Variants in SESTD1 observed in about 807,000 individuals in gnomAD.
SESTD1 encodes the protein SEC14 and spectrin domain containing 1.
Under a neutral mutation model 101.7 loss-of-function variants are expected in SESTD1, and 43 were observed. The observed-to-expected ratio is 0.42, with a 90% confidence interval of 0.33 to 0.55. The LOEUF (loss-of-function observed/expected upper bound fraction) is 0.55, where lower values mean the gene tolerates loss of function less well. Among genes scored for constraint, SESTD1 ranks in the 20% least tolerant of loss-of-function variants. The probability of loss-of-function intolerance (pLI) is 0.07; values close to 1 mark genes in which losing one functional copy is unlikely to be tolerated. For synonymous variants in SESTD1, 283 were observed against 286.8 expected (o/e 0.99, Z 0.13); for missense variants, 647 against 815.1 (o/e 0.79, Z 2.51).
intron 1 of SESTD1, among the ~76,000 whole-genome samples, chr2:179,197,154 T>C (rs2046412407): frequency 6.6e-6 from 1 of 151,588 alleles, no homozygotes; most frequent in African/African-American, 2.4e-5. Flanking sequence ...GAGAACTACG[T>C]GAAGAAAGAA....
intron 5 of SESTD1, among the ~76,000 whole-genome samples, chr2:179,170,994 G>C (rs2045921067): frequency 6.6e-6 from 1 of 152,138 alleles, no homozygotes; most frequent in South Asian, 2.1e-4. Flanking sequence ...TGAATTCTAT[G>C]AATCAATATA....
At chr2:179,164,342 A>T (rs1297291147) in intron 5 of SESTD1, among the ~76,000 whole-genome samples, 1 of 152,220 alleles carries the variant, frequency 6.6e-6, no homozygotes, top group Non-Finnish European at 1.5e-5. Flanking sequence ...GTAAGAGAAT[A>T]AAGCAATTTA....
At chr2:179,231,625 A>G (rs890577975) in intron 1 of SESTD1, among the ~76,000 whole-genome samples, 1 of 151,822 alleles carries the variant, frequency 6.6e-6, no homozygotes, top group African/African-American at 2.4e-5. Context: ...GAAATCAAAC[A>G]TAAGTCATTA....
chr2:179,170,537 T>C (rs565671078), intron 5 of SESTD1, among the ~76,000 whole-genome samples: 2 of 152,290 alleles, frequency 1.3e-5, no homozygotes, highest in East Asian at 3.9e-4. Flanking sequence ...AGGAGCATCC[T>C]TTATTACAGT....
At chr2:179,161,748 C>CT (rs2045740942) in intron 5 of SESTD1, among the ~76,000 whole-genome samples, 2 of 151,520 alleles carry the variant, frequency 1.3e-5, no homozygotes, top group South Asian at 4.2e-4. Context: ...AACTTTTATA[C>CT]TTTTAAAAAA....
At chr2:179,117,246 T>C (rs2044653998) in intron 14 of SESTD1, among the ~76,000 whole-genome samples, 1 of 152,168 alleles carries the variant, frequency 6.6e-6, no homozygotes, top group Non-Finnish European at 1.5e-5. Context: ...CCAGATTTTA[T>C]CCTGGATGTA....
chr2:179,156,485 C>G (rs1054164581), intron 5 of SESTD1, among the ~76,000 whole-genome samples: 3 of 152,088 alleles, frequency 2.0e-5, no homozygotes, highest in Non-Finnish European at 4.4e-5. Flanking sequence ...ACGGCATTCA[C>G]GCCAACATCT....
At chr2:179,234,734 A>T (rs2047041489) in intron 1 of SESTD1, among the ~76,000 whole-genome samples, 1 of 152,190 alleles carries the variant, frequency 6.6e-6, no homozygotes, top group Non-Finnish European at 1.5e-5. Context: ...GCATAACCTG[A>T]ATCTAATCAT....
At chr2:179,262,899 T>C (rs13387502) in intron 1 of SESTD1, among the ~76,000 whole-genome samples, 8,210 of 152,276 alleles carry the variant, frequency 0.054, 289 homozygotes, top group African/African-American at 0.097. Context: ...ACTTTCTACA[T>C]TCTGCATTCT....
Position 179,211,077 on chromosome 2 carries a change from CA to C in SESTD1, c.-25-19212del, listed in dbSNP as rs772747731. Among the ~76,000 whole-genome samples, 221 of 109,516 alleles carry C rather than the reference CA, an allele frequency of 2.0e-3. 4 individuals are homozygous for C. The highest frequency in any genetic ancestry group is 1.9e-3 in the Admixed American group (21 of 11,200). 71.8% of individuals were successfully genotyped at this position (109,516 alleles called of 152,430 possible). A position where few individuals can be genotyped will look rare whatever the true frequency, so the allele number is the denominator to read the frequency against. ...ACTCAGACCCTTTTAACAACAGCTG[CA>C]AAAAAAAAAAAGGAATATACCTAAC... On this transcript the variant is annotated intron_variant, in intron 1 of 17. Coordinates refer to ENST00000428443, the MANE Select transcript of SESTD1 (RefSeq NM_178123.5).
chr2:179,222,276 G>C (rs570069055), intron 1 of SESTD1, among the ~76,000 whole-genome samples: 15 of 152,104 alleles, frequency 9.9e-5, no homozygotes, highest in African/African-American at 3.6e-4. Flanking sequence ...TGTGACTCCC[G>C]GCCAGCCACT....
At chr2:179,141,836 T>C (rs1440127473) in intron 9 of SESTD1, among the ~76,000 whole-genome samples, 1 of 152,162 alleles carries the variant, frequency 6.6e-6, no homozygotes, top group East Asian at 1.9e-4. Flanking sequence ...GGGCTAAAAC[T>C]TACCTGAATT....
intron 9 of SESTD1, among the ~76,000 whole-genome samples, chr2:179,133,311 TATATTA>T (rs1241325948): frequency 6.6e-6 from 1 of 152,186 alleles, no homozygotes; most frequent in Non-Finnish European, 1.5e-5. Context: ...CCTTCCATCA[TATATTA>T]ATAATTCTCC....
At position 179,104,990 on chromosome 2, in the gene SESTD1, A is replaced by G. The variant is rs2044348240; in HGVS notation, c.*4909T>C. On this transcript the variant is annotated 3_prime_UTR_variant, in exon 18 of 18. Coordinates refer to ENST00000428443, the MANE Select transcript of SESTD1 (RefSeq NM_178123.5). ...TTGAGTCATATTAAGTGTCATACCC[A>G]TGAACTTTTTTCAGTCTTAAAGACT... 1 of 152,060 alleles carries G rather than the reference A, an allele frequency of 6.6e-6. No individual in the cohort carries two copies. The highest frequency in any genetic ancestry group is 6.6e-5 in the Admixed American group (1 of 15,240). The allele number at this position is 152,060 out of a possible 1,614,324, so 9.4% of individuals were successfully genotyped here. A position where few individuals can be genotyped will look rare whatever the true frequency, so the allele number is the denominator to read the frequency against.
At chr2:179,138,870 CAAAAAAAAAAAA>C (rs61703699) in intron 9 of SESTD1, among the ~76,000 whole-genome samples, 143 of 65,554 alleles carry the variant, frequency 2.2e-3, no homozygotes, top group African/African-American at 5.7e-3. Context: ...AACCCTGTCT[CAAAAAAAAAAAA>C]AAAAAAAAAA....
chr2:179,189,404 T>G (rs147553221), intron 2 of SESTD1, among the ~76,000 whole-genome samples: 1 of 152,148 alleles, frequency 6.6e-6, no homozygotes, highest in Non-Finnish European at 1.5e-5. Context: ...AAACTATGCA[T>G]TGAAGAAATA....
intron 14 of SESTD1, among the ~76,000 whole-genome samples, chr2:179,117,110 C>A (rs1489909480): frequency 1.3e-5 from 2 of 152,110 alleles, no homozygotes; most frequent in Non-Finnish European, 2.9e-5. Flanking sequence ...TACATAAAAT[C>A]AAAAATTTTA....
chr2:179,133,971 A>G (rs1301208520), intron 9 of SESTD1, among the ~76,000 whole-genome samples: 2 of 152,248 alleles, frequency 1.3e-5, no homozygotes, highest in Non-Finnish European at 2.9e-5. Context: ...CCAGTACACT[A>G]TAACAGCTAT....
At chr2:179,138,962 GT>G (rs1434795943) in intron 9 of SESTD1, among the ~76,000 whole-genome samples, 1 of 146,760 alleles carries the variant, frequency 6.8e-6, no homozygotes, top group African/African-American at 2.5e-5. Context: ...CATCGCCCTT[GT>G]TATTGATCTT....
Sources: gnomAD v4.1 joint callset for allele counts (sites outside exome capture counted in the v4.1 genomes callset) on GRCh38, gnomAD v4.1.1 for gene constraint, MANE v1.5 for transcripts, NCBI Gene and HGNC (gene_info 2026-07-23, HGNC 2026-07-21) for gene names.